The following ADORA1 variants were observed in gnomAD, a reference collection of about 807,000 sequenced individuals.
ADORA1 encodes the protein adenosine receptor A1.
ADORA1 carries 6 observed loss-of-function variants against 19.9 expected under a neutral mutation model. That is an observed-to-expected ratio of 0.30 (90% CI 0.17 to 0.59). The LOEUF is 0.59. ADORA1 is among the 20% of genes least tolerant of loss of function. ADORA1 has a pLI of 0.87. For missense variants in ADORA1, 302 were observed against 439.2 expected, an observed-to-expected ratio of 0.69 and a Z score of 2.79; for synonymous variants, 194 against 188.4, an observed-to-expected ratio of 1.03 and a Z score of -0.24.
chr1:203,164,892 G>A (rs1383261544), intron 3 of ADORA1, among the ~76,000 whole-genome samples: 1 of 152,138 alleles, frequency 6.6e-6, no homozygotes, highest in Non-Finnish European at 1.5e-5. Flanking sequence ...GACTTCCTAC[G>A]CGACAAAGGC....
intron 3 of ADORA1, among the ~76,000 whole-genome samples, chr1:203,139,895 A>G (rs1275651704): frequency 6.6e-6 from 1 of 152,178 alleles, no homozygotes; most frequent in Non-Finnish European, 1.5e-5. Flanking sequence ...GGGCTTCAGT[A>G]AGGCCTTGGA....
intron 3 of ADORA1, among the ~76,000 whole-genome samples, chr1:203,148,964 G>A (rs755614313): frequency 2.6e-5 from 4 of 151,798 alleles, no homozygotes; most frequent in South Asian, 2.1e-4. Flanking sequence ...TGCAACCTCC[G>A]CCGCCCGGGT....
chr1:203,146,296 AC>A (rs1654856839), intron 3 of ADORA1, among the ~76,000 whole-genome samples: 1 of 152,096 alleles, frequency 6.6e-6, no homozygotes. Flanking sequence ...TCCCTTCGCC[AC>A]TGTCTTCAGG....
Position 203,128,054 on chromosome 1 carries a change from G to C in ADORA1, c.-213+126G>C, listed in dbSNP as rs1234973295. 1 of 265,974 alleles carries C rather than the reference G, an allele frequency of 3.8e-6. No homozygotes were observed. Among genetic ancestry groups the C allele is most frequent in the Non-Finnish European group, 7.6e-6 (1 of 132,210 alleles). The allele number at this position is 265,974 out of a possible 1,614,324, so 16.5% of individuals were successfully genotyped here. A position where few individuals can be genotyped will look rare whatever the true frequency, so the allele number is the denominator to read the frequency against. ...AAGGTTCCCCGACAGAGCTGGAACG[G>C]GACCAGAGGACTGCTAAGATCCAGG... On this transcript the variant is annotated intron_variant, in intron 1 of 3. Transcript: ENST00000337894. This position sits in a 1 kb window ranked among gnomAD's most constrained non-coding sequence, Gnocchi z 5.9.
At chr1:203,142,179 AGT>A (rs1654716839) in intron 3 of ADORA1, among the ~76,000 whole-genome samples, 1 of 152,156 alleles carries the variant, frequency 6.6e-6, no homozygotes, top group Non-Finnish European at 1.5e-5. Flanking sequence ...GCACTCCATA[AGT>A]GGGGCTGTTA....
At chr1:203,147,786 G>A (rs1654902566) in intron 3 of ADORA1, among the ~76,000 whole-genome samples, 1 of 152,092 alleles carries the variant, frequency 6.6e-6, no homozygotes, top group African/African-American at 2.4e-5. Context: ...ATACAAAATT[G>A]ACTTTAAAAT....
At chr1:203,150,532 G>A (rs774931218) in intron 3 of ADORA1, 285 of 1,149,346 alleles carry the variant, frequency 2.5e-4, no homozygotes, top group Non-Finnish European at 3.0e-4. Context: ...CTGGGTCCTG[G>A]GGTCCTTCCT....
chr1:203,160,500 A>G (rs1031364757), intron 3 of ADORA1, among the ~76,000 whole-genome samples: 7 of 152,228 alleles, frequency 4.6e-5, no homozygotes, highest in Admixed American at 2.6e-4. Flanking sequence ...TGAAGTATCA[A>G]TAAAACCATG....
intron 3 of ADORA1, among the ~76,000 whole-genome samples, chr1:203,129,415 C>T (rs1654262386): frequency 6.6e-6 from 1 of 152,190 alleles, no homozygotes; most frequent in Non-Finnish European, 1.5e-5. Context: ...CCCATGACCT[C>T]AGAGCTGAAG....
intron 3 of ADORA1, among the ~76,000 whole-genome samples, chr1:203,134,054 A>G (rs143076082): frequency 4.2e-5 from 6 of 143,170 alleles, no homozygotes; most frequent in Non-Finnish European, 7.6e-5. Flanking sequence ...CTAAGGATGG[A>G]TTAGTCATAG....
intron 3 of ADORA1, among the ~76,000 whole-genome samples, chr1:203,153,362 G>A (rs1369170586): frequency 6.6e-6 from 1 of 152,174 alleles, no homozygotes; most frequent in Non-Finnish European, 1.5e-5. Flanking sequence ...ACAGACAGTT[G>A]GGGAGGTTGC....
intron 3 of ADORA1, among the ~76,000 whole-genome samples, chr1:203,138,004 A>G (rs916090335): frequency 1.3e-4 from 20 of 152,190 alleles, no homozygotes; most frequent in East Asian, 5.8e-4. Context: ...TTAGAATTCA[A>G]TTGTATGAAT....
At chr1:203,156,748 T>C (rs115130021) in intron 3 of ADORA1, among the ~76,000 whole-genome samples, 1,644 of 152,304 alleles carry the variant, frequency 0.011, 29 homozygotes, top group African/African-American at 0.037. Flanking sequence ...TGGCTCACAG[T>C]TCTGGAGGCT....
chr1:203,134,007 T>G (rs770198617), intron 3 of ADORA1, among the ~76,000 whole-genome samples: 1 of 152,208 alleles, frequency 6.6e-6, no homozygotes, highest in Non-Finnish European at 1.5e-5. Context: ...TCATGCCTTC[T>G]GCTTTCAGAG....
intron 3 of ADORA1, among the ~76,000 whole-genome samples, chr1:203,147,985 G>A (rs1259988237): frequency 6.6e-6 from 1 of 152,176 alleles, no homozygotes; most frequent in African/African-American, 2.4e-5. Context: ...TTGGGAGGCC[G>A]AGGGAGGCGG....
chr1:203,145,982 A>G (rs1293275175), intron 3 of ADORA1, among the ~76,000 whole-genome samples: 1 of 152,172 alleles, frequency 6.6e-6, no homozygotes, highest in Non-Finnish European at 1.5e-5. Flanking sequence ...GTGTTCTGCC[A>G]CTGCTCTGGG....
At chr1:203,144,379 G>C (rs887985165) in intron 3 of ADORA1, among the ~76,000 whole-genome samples, 9 of 152,182 alleles carry the variant, frequency 5.9e-5, no homozygotes, top group African/African-American at 2.2e-4. Flanking sequence ...AATGGTAATA[G>C]TAGTGACGCT....
chr1:203,155,331 C>T (rs1329941354), intron 3 of ADORA1, among the ~76,000 whole-genome samples: 1 of 152,272 alleles, frequency 6.6e-6, no homozygotes, highest in East Asian at 1.9e-4. Flanking sequence ...CATGAGCCAC[C>T]GTGCCCAGAC....
chr1:203,162,814 G>A lies in ADORA1; in HGVS notation c.342-2447G>A, dbSNP rs1282955977. On this transcript the variant is annotated intron_variant, in intron 3 of 3. Transcript: ENST00000337894. ...TATGAGGATTACCTGAGACAGGACTGAGAAAGGGATTTGTAAATGATAAAT... is the reference window on the plus strand; with the variant it reads ...TATGAGGATTACCTGAGACAGGACTAAGAAAGGGATTTGTAAATGATAAAT... 2.0e-5 allele frequency among the ~76,000 whole-genome samples: 3 copies of A among 152,180 alleles called. 1 individual carries two copies. The highest frequency in any genetic ancestry group is 4.4e-5 in the Non-Finnish European group (3 of 68,044).
Sources: allele counts gnomAD v4.1 joint callset (sites outside exome capture counted in the v4.1 genomes callset), GRCh38; gene constraint gnomAD v4.1.1; non-coding constraint Gnocchi (gnomAD v3.1); transcripts MANE v1.5; gene names NCBI Gene and HGNC (gene_info 2026-07-23, HGNC 2026-07-21).